The following TMEM63C variants were observed in gnomAD, a reference collection of about 807,000 sequenced individuals.
The protein encoded by TMEM63C is osmosensitive cation channel TMEM63C.
In TMEM63C, 32 loss-of-function variants were observed where a neutral mutation model predicts 99.2. The ratio of observed to expected loss-of-function variants is 0.32; its 90% CI spans 0.24 to 0.43. The LOEUF (loss-of-function observed/expected upper bound fraction) is 0.43, where lower values mean the gene tolerates loss of function less well. TMEM63C is among the 20% of genes least tolerant of loss of function. TMEM63C has a pLI of 1.00. For missense variants in TMEM63C, 826 were observed against 1,053.0 expected (o/e 0.78, Z 2.98); for synonymous variants, 376 against 397.9 (o/e 0.94, Z 0.66).
chr14:77,187,300 G>T (rs1054305479), intron 1 of TMEM63C, among the ~76,000 whole-genome samples: 2 of 152,196 alleles, frequency 1.3e-5, no homozygotes, highest in African/African-American at 4.8e-5. Context: ...TGCTTGAGAC[G>T]AAAAGACTTG....
At chr14:77,186,473 G>C (rs1887996639) in intron 1 of TMEM63C, among the ~76,000 whole-genome samples, 1 of 152,174 alleles carries the variant, frequency 6.6e-6, no homozygotes, top group Non-Finnish European at 1.5e-5. Context: ...GGGGGCCTAG[G>C]AGGGAGGATT....
At chr14:77,183,057 T>C (rs1887940623) in intron 1 of TMEM63C, among the ~76,000 whole-genome samples, 1 of 152,140 alleles carries the variant, frequency 6.6e-6, no homozygotes, top group Non-Finnish European at 1.5e-5. Context: ...AAGTGAACTT[T>C]CCCCTTAGAA....
chr14:77,219,509 G>A lies in TMEM63C; in HGVS notation c.162G>A (p.Val54=). 6.2e-7 allele frequency: 1 copy of A among 1,613,944 alleles called. No individual in the cohort carries two copies. Among genetic ancestry groups the A allele is most frequent in the East Asian group, 2.2e-5 (1 of 44,882 alleles). The change falls in exon 4 of 24, where the codon GTG becomes GTA. Residue 54 remains valine (V), a synonymous_variant. Transcript: ENST00000298351. ...TTCCTGGCCTGTAGCTCGTCCTTGT[G>A]GTTTACTCCTTCCTCCGGAAAGCTG... The part of the protein sequence containing the change: ...LNIALWVLVL[V]VYSFLRKAAW...
chr14:77,229,356 C>T (rs1173043050), intron 6 of TMEM63C, among the ~76,000 whole-genome samples: 1 of 152,096 alleles, frequency 6.6e-6, no homozygotes, highest in Non-Finnish European at 1.5e-5. Context: ...AAGATCATGT[C>T]ACGCACTCCA....
Position 77,247,761 on chromosome 14 carries a change from C to T in TMEM63C, c.1602-586C>T, listed in dbSNP as rs906983884. On this transcript the variant is annotated intron_variant, in intron 18 of 23. Transcript: ENST00000298351. ...CATAACTTGCTCTATAAGGCAAGGA[C>T]CAGAATCCTTCAAGGTATTTTTTAG... Among the ~76,000 whole-genome samples, 4 of 151,832 alleles carry T rather than the reference C, an allele frequency of 2.6e-5. No individual in the cohort carries two copies. The South Asian group carries it at 6.2e-4, about 24-fold the overall frequency.
At chr14:77,228,024 C>T (rs538825466) in intron 6 of TMEM63C, among the ~76,000 whole-genome samples, 43 of 151,996 alleles carry the variant, frequency 2.8e-4, no homozygotes, top group Middle Eastern at 3.4e-3. Context: ...TGTGGGTGGA[C>T]GCAGGTGCAT....
intron 2 of TMEM63C, among the ~76,000 whole-genome samples, chr14:77,218,429 C>A (rs912744253): frequency 3.3e-5 from 5 of 152,212 alleles, no homozygotes; most frequent in African/African-American, 1.2e-4. Flanking sequence ...CATTTCCACA[C>A]TGGGGTCTGA....
In TMEM63C at chr14:77,256,805, G is replaced by A. The variant is rs536952619; in HGVS notation, c.*79G>A. On this transcript the variant is annotated 3_prime_UTR_variant, in exon 24 of 24. Coordinates refer to ENST00000298351, the MANE Select transcript of TMEM63C (RefSeq NM_020431.4). ...GCAAGGGGAGGCAGGAGGGTGGCCT[G>A]GACCTCCCCACTACCTCCTGCAGAC... The A allele has an allele frequency of 6.0e-5, 83 of 1,377,426 alleles. No individual in the cohort carries two copies. The East Asian group carries it at 1.7e-3, about 28-fold the overall frequency. 85.3% of individuals were successfully genotyped at this position (1,377,426 alleles called of 1,614,324 possible).
Position 77,244,430 on chromosome 14 carries a change from G to A in TMEM63C, c.1423G>A (p.Ala475Thr), listed in dbSNP as rs199558533. 77 of 1,613,764 alleles carry A rather than the reference G, an allele frequency of 4.8e-5. No individual in the cohort carries two copies. Among genetic ancestry groups the A allele is most frequent in the East Asian group, 6.7e-5 (3 of 44,854 alleles). ...ACTGCCTCTGATTGTCTACTTCTCC[G>A]CCTTCCTCGAGGCCCACTGGACCAG... ...VILPLIVYFS[A>T]FLEAHWTRSS... The change falls in exon 16 of 24, where the codon GCC (alanine) becomes ACC (threonine). Residue 475 changes from alanine to threonine, a missense_variant. Ala to Thr is a moderately conservative substitution (Grantham distance 58). Coordinates refer to ENST00000298351, the MANE Select transcript of TMEM63C (RefSeq NM_020431.4).
rs1344088410 is a variant in TMEM63C at position 77,257,897 on chromosome 14, C to G, written c.*1171C>G. On this transcript the variant is annotated 3_prime_UTR_variant, in exon 24 of 24. Coordinates refer to ENST00000298351, the MANE Select transcript of TMEM63C (RefSeq NM_020431.4). ...GCTTCAACCGTGATGTCGCCCCAGGCCTGCCAGGGGTGTGGTGGAGGGGAA... is the reference window on the plus strand; with the variant it reads ...GCTTCAACCGTGATGTCGCCCCAGGGCTGCCAGGGGTGTGGTGGAGGGGAA... The G allele has an allele frequency of 2.6e-5, 4 of 152,312 alleles. No individual in the cohort carries two copies. The highest frequency in any genetic ancestry group is 9.7e-5 in the African/African-American group (4 of 41,436). 9.4% of individuals were successfully genotyped at this position (152,312 alleles called of 1,614,324 possible). A position where few individuals can be genotyped will look rare whatever the true frequency, so the allele number is the denominator to read the frequency against.
chr14:77,202,146 A>G lies in TMEM63C; in HGVS notation c.-76-11300A>G, dbSNP rs1484881601. Among the ~76,000 whole-genome samples the G allele has an allele frequency of 2.0e-5, 3 of 152,250 alleles. No individual in the cohort carries two copies. In the East Asian group the frequency reaches 5.8e-4, roughly 29 times the overall value. ...CACATAAATTCACACAAGCGCCAAAACACACAAGTGTATACAACTCAACAT... is the reference window on the plus strand; with the variant it reads ...CACATAAATTCACACAAGCGCCAAAGCACACAAGTGTATACAACTCAACAT... On this transcript the variant is annotated intron_variant, in intron 1 of 23. Transcript: ENST00000298351.
intron 1 of TMEM63C, among the ~76,000 whole-genome samples, chr14:77,210,685 G>T (rs1041554427): frequency 3.3e-5 from 5 of 152,166 alleles, no homozygotes; most frequent in African/African-American, 1.2e-4. Flanking sequence ...GAGACCTGGA[G>T]AAGAAGGAAG....
intron 6 of TMEM63C, among the ~76,000 whole-genome samples, chr14:77,227,250 A>G (rs1014174928): frequency 5.3e-5 from 8 of 152,144 alleles, no homozygotes; most frequent in Non-Finnish European, 8.8e-5. Context: ...GGCTATTCCA[A>G]TGGTCGAGGT....
In TMEM63C at chr14:77,239,621, C is replaced by A. The variant is rs1372972741; in HGVS notation, c.825C>A (p.Gly275=). The change falls in exon 12 of 24, where the codon GGC becomes GGA. Residue 275 remains glycine (G), a synonymous_variant. Transcript: ENST00000298351. ...LDDQRRHAMR[G]RLFYTAKAKK... ...CTGGCAGGCGCCATGCCATGCGGGG[C>A]CGGCTTTTCTATACAGCCAAGGCCA... 1 of 1,613,334 alleles carries A rather than the reference C, an allele frequency of 6.2e-7. No individual in the cohort carries two copies. Among genetic ancestry groups the A allele is most frequent in the East Asian group, 2.2e-5 (1 of 44,878 alleles).
In TMEM63C at chr14:77,218,983, G is replaced by C. The variant is rs372160331; in HGVS notation, c.150+20G>C. The C allele has an allele frequency of 2.6e-6, 4 of 1,530,498 alleles. No homozygotes were observed. The African/African-American group carries it at 4.2e-5, about 16-fold the overall frequency. The allele number at this position is 1,530,498 out of a possible 1,614,324, so 94.8% of individuals were successfully genotyped here. A position where few individuals can be genotyped will look rare whatever the true frequency, so the allele number is the denominator to read the frequency against. On this transcript the variant is annotated intron_variant, in intron 3 of 23. Coordinates refer to ENST00000298351, the MANE Select transcript of TMEM63C (RefSeq NM_020431.4). ...TGGGTGGTGAGTCCTGGGCACTGCA[G>C]GAGGCAGACAGTAAAGCCTCAGACA...
chr14:77,203,503 A>G (rs1178133876), intron 1 of TMEM63C, among the ~76,000 whole-genome samples: 2 of 152,174 alleles, frequency 1.3e-5, no homozygotes, highest in Non-Finnish European at 2.9e-5. Context: ...TTCTAGAGGA[A>G]ATGGAGACAC....
chr14:77,218,936 G>A lies in TMEM63C; in HGVS notation c.123G>A (p.Val41=). Residue 41 remains valine (V), a synonymous_variant, in exon 3 of 24, where the codon GTG becomes GTA. Transcript: ENST00000298351. ...QGQPFGGVPT[V]LCLNIALWVL... ...AGCCCTTTGGGGGTGTCCCCACCGT[G>A]CTGTGCCTCAACATCGCCCTGTGGG... 3.7e-6 allele frequency: 6 copies of A among 1,604,334 alleles called. No individual in the cohort carries two copies. Among genetic ancestry groups the A allele is most frequent in the South Asian group, 1.1e-5 (1 of 89,352 alleles).
chr14:77,198,653 AT>A (rs1215748894), intron 1 of TMEM63C, among the ~76,000 whole-genome samples: 1 of 152,152 alleles, frequency 6.6e-6, no homozygotes, highest in Non-Finnish European at 1.5e-5. Context: ...AGGTGGGGAA[AT>A]TGTCCTCGCC....
At chr14:77,217,445 A>G (rs1478967385) in intron 2 of TMEM63C, among the ~76,000 whole-genome samples, 3 of 152,178 alleles carry the variant, frequency 2.0e-5, no homozygotes, top group Non-Finnish European at 2.9e-5. Context: ...AGGGATTTTT[A>G]TTTATCTTGT....
Sources: allele counts gnomAD v4.1 joint callset (sites outside exome capture counted in the v4.1 genomes callset), GRCh38; gene constraint gnomAD v4.1.1; transcripts MANE v1.5; gene names NCBI Gene and HGNC (gene_info 2026-07-23, HGNC 2026-07-21).